SLIT2: variants seen among roughly 807,000 people sequenced by gnomAD.
SLIT2 encodes the protein slit homolog 2 protein.
A neutral mutation model predicts 185.7 loss-of-function variants in SLIT2; 41 were observed. The observed-to-expected ratio is 0.22, with a 90% CI of 0.17 to 0.29. The LOEUF is 0.29. Ranked by LOEUF, SLIT2 falls within the 10% of genes least tolerant of loss-of-function variation. SLIT2 has a pLI of 1.00. For synonymous variants in SLIT2, 693 were observed against 680.2 expected (o/e 1.02, Z -0.29); for missense variants, 1,571 against 1,909.0 (o/e 0.82, Z 3.30).
chr4:20,310,024 G>A (rs891153425), intron 4 of SLIT2, among the ~76,000 whole-genome samples: 2 of 152,046 alleles, frequency 1.3e-5, no homozygotes, highest in African/African-American at 4.8e-5. Flanking sequence ...GCCTCCCCAA[G>A]TGCTGGGATT....
intron 4 of SLIT2, among the ~76,000 whole-genome samples, chr4:20,447,802 GAAAACAGT>G (rs1711986493): frequency 6.6e-6 from 1 of 152,176 alleles, no homozygotes; most frequent in African/African-American, 2.4e-5. Flanking sequence ...GTGCCCACAT[GAAAACAGT>G]CAGTGAATGC....
At chr4:20,564,613 G>A (rs1481608937) in intron 26 of SLIT2, among the ~76,000 whole-genome samples, 1 of 151,864 alleles carries the variant, frequency 6.6e-6, no homozygotes, top group African/African-American at 2.4e-5. Context: ...CAAATAGAAT[G>A]ATAGCTAACT....
At chr4:20,435,875 A>G (rs1384678395) in intron 4 of SLIT2, among the ~76,000 whole-genome samples, 1 of 152,200 alleles carries the variant, frequency 6.6e-6, no homozygotes, top group Non-Finnish European at 1.5e-5. Context: ...GATAAATTTA[A>G]CTTGCATTTG....
In SLIT2 at chr4:20,467,804, G is replaced by A. The variant is rs1371932681; in HGVS notation, c.448G>A (p.Ala150Thr). ...QAIPRKAFRG[A>T]VDIKNLQLDY... ...AATCCCAAGGAAAGCTTTCCGTGGG[G>A]CAGTTGACATAAAAAATTTGTAAGT... Residue 150 changes from alanine to threonine, a missense_variant, in exon 5 of 37, where the codon GCA becomes ACA. Coordinates refer to ENST00000504154, the MANE Select transcript of SLIT2 (RefSeq NM_004787.4). 3 of 1,588,078 alleles carry A rather than the reference G, an allele frequency of 1.9e-6. No homozygotes were observed. The highest frequency in any genetic ancestry group is 3.4e-5 in the Admixed American group (2 of 58,620).
chr4:20,550,319 T>A lies in SLIT2; in HGVS notation c.2490-508T>A, dbSNP rs375159626. Among the ~76,000 whole-genome samples, 6 of 152,160 alleles carry A rather than the reference T, an allele frequency of 3.9e-5. No individual in the cohort carries two copies. The East Asian group carries it at 5.8e-4, about 15-fold the overall frequency. ...TTCTGTTGGGTACTTTATATTTTCC[T>A]TATTAATGTAGATATCTTTATGCAT... On this transcript the variant is annotated intron_variant, in intron 24 of 36. Coordinates refer to ENST00000504154, the MANE Select transcript of SLIT2 (RefSeq NM_004787.4).
In SLIT2 at chr4:20,268,831, T is replaced by C; in HGVS notation, c.345T>C (p.Leu115=). 1.2e-6 allele frequency: 2 copies of C among 1,611,230 alleles called. No individual in the cohort carries two copies. The highest frequency in any genetic ancestry group is 2.7e-5 in the African/African-American group (2 of 74,908). ...AAAGGCGTTTAAACAGAAATCACCT[T>C]CAGCTGTTTCCTGAGTTGCTGTTTC... ...LERLRLNRNH[L]QLFPELLFLG... The change falls in exon 4 of 37, where the codon CTT becomes CTC. Residue 115 remains leucine, a synonymous_variant. Transcript: ENST00000504154.
At chr4:20,293,689 G>A (rs915017785) in intron 4 of SLIT2, among the ~76,000 whole-genome samples, 30 of 152,154 alleles carry the variant, frequency 2.0e-4, no homozygotes, top group African/African-American at 7.2e-4. Context: ...TATTAATGTG[G>A]CCTTTATTTT....
intron 30 of SLIT2, among the ~76,000 whole-genome samples, chr4:20,595,101 A>T (rs545308527): frequency 6.6e-6 from 1 of 152,276 alleles, no homozygotes; most frequent in East Asian, 1.9e-4. Flanking sequence ...ATTTTCTATC[A>T]GTTCTTCTAT....
intron 4 of SLIT2, among the ~76,000 whole-genome samples, chr4:20,288,184 A>G (rs4386603): frequency 0.34 from 50,958 of 151,766 alleles, 9,617 homozygotes; most frequent in East Asian, 0.81. Flanking sequence ...TTAAAAAAAC[A>G]GTGTGTGAGT....
intron 4 of SLIT2, among the ~76,000 whole-genome samples, chr4:20,388,870 TATATA>T (rs1390024482): frequency 2.8e-5 from 4 of 142,876 alleles, no homozygotes; most frequent in South Asian, 2.1e-4. Flanking sequence ...TAAAATATAA[TATATA>T]ATATATATAA....
At chr4:20,259,410 A>G (rs2109011929) in intron 3 of SLIT2, among the ~76,000 whole-genome samples, 1 of 151,900 alleles carries the variant, frequency 6.6e-6, no homozygotes, top group South Asian at 2.1e-4. Context: ...GTTTTCAAGA[A>G]TAACTTTTAG....
chr4:20,420,128 A>C (rs1728055509), intron 4 of SLIT2, among the ~76,000 whole-genome samples: 1 of 152,162 alleles, frequency 6.6e-6, no homozygotes. Flanking sequence ...AGTTCATTGC[A>C]CTGTCTTCTT....
At position 20,620,328 on chromosome 4, in the gene SLIT2, T is replaced by C. The variant is rs1045384769; in HGVS notation, c.*1319T>C. On this transcript the variant is annotated 3_prime_UTR_variant, in exon 37 of 37. Coordinates refer to ENST00000504154, the MANE Select transcript of SLIT2 (RefSeq NM_004787.4). ...TTATCTTAATGCTCCCATGTTAACA[T>C]GTTTGCTGCTAAATTACAATGTAGA... is the stretch of plus-strand genomic sequence containing the variant. 2 of 413,516 alleles carry C rather than the reference T, an allele frequency of 4.8e-6. No homozygotes were observed. The highest frequency in any genetic ancestry group is 3.2e-5 in the Admixed American group (1 of 31,564). 25.6% of individuals were successfully genotyped at this position (413,516 alleles called of 1,614,324 possible).
intron 7 of SLIT2, among the ~76,000 whole-genome samples, chr4:20,488,151 CAT>C (rs1257268244): frequency 6.6e-6 from 1 of 151,984 alleles, no homozygotes; most frequent in African/African-American, 2.4e-5. Flanking sequence ...ATCCTGCCAA[CAT>C]AGAGCGACTC....
At chr4:20,269,912 T>G (rs1713426323) in intron 4 of SLIT2, among the ~76,000 whole-genome samples, 1 of 151,960 alleles carries the variant, frequency 6.6e-6, no homozygotes, top group African/African-American at 2.4e-5. Flanking sequence ...CTTAACAACC[T>G]TAACTTACTA....
chr4:20,309,092 A>G (rs1408387647), intron 4 of SLIT2, among the ~76,000 whole-genome samples: 1 of 152,064 alleles, frequency 6.6e-6, no homozygotes, highest in East Asian at 1.9e-4. Context: ...TTGTTTGTAA[A>G]CCAGTTTCCT....
chr4:20,313,909 C>A (rs116352784), intron 4 of SLIT2, among the ~76,000 whole-genome samples: 49 of 152,274 alleles, frequency 3.2e-4, no homozygotes, highest in African/African-American at 1.1e-3. Flanking sequence ...CAGCACTGGT[C>A]CAGGCCCAGG....
chr4:20,372,850 C>A (rs980294647), intron 4 of SLIT2, among the ~76,000 whole-genome samples: 1 of 151,974 alleles, frequency 6.6e-6, no homozygotes, highest in Non-Finnish European at 1.5e-5. Flanking sequence ...TTTTTACACA[C>A]CATTTTTTGT....
rs1350976267 is a variant in SLIT2 at position 20,253,031 on chromosome 4, C to T, written c.-785C>T. Among the ~76,000 whole-genome samples the T allele has an allele frequency of 6.6e-6, 1 of 152,202 alleles. No individual in the cohort carries two copies. Among genetic ancestry groups the T allele is most frequent in the East Asian group, 1.9e-4 (1 of 5,174 alleles). The stretch of plus-strand genomic sequence containing the variant: ...CGTGACCTCGGGGCAGGTCCTGGTG[C>T]AGAGCGTCGCCAAGGACGCCGAGCG... On this transcript the variant is annotated 5_prime_UTR_variant, in exon 1 of 37. Transcript: ENST00000504154.
Sources: allele counts gnomAD v4.1 joint callset (sites outside exome capture counted in the v4.1 genomes callset), GRCh38; gene constraint gnomAD v4.1.1; transcripts MANE v1.5; gene names NCBI Gene and HGNC (gene_info 2026-07-23, HGNC 2026-07-21).